LRRC4C: variants seen among roughly 807,000 people sequenced by gnomAD.
LRRC4C encodes leucine rich repeat containing 4C.
Under a neutral mutation model 33.6 loss-of-function variants are expected in LRRC4C, and 5 were observed. The ratio of observed to expected loss-of-function variants is 0.15; its 90% CI spans 0.08 to 0.31. LRRC4C has a LOEUF of 0.31. Ranked by LOEUF, LRRC4C falls within the 10% of genes least tolerant of loss-of-function variation. The pLI, the probability that LRRC4C is intolerant of heterozygous loss-of-function variation, is 1.00. For synonymous variants in LRRC4C, 329 were observed against 302.0 expected (o/e 1.09, Z -0.93); for missense variants, 560 against 796.7 (o/e 0.70, Z 3.58).
chr11:41,327,736 G>A (rs1178035497), intron 1 of LRRC4C, among the ~76,000 whole-genome samples: 1 of 152,110 alleles, frequency 6.6e-6, no homozygotes, highest in Non-Finnish European at 1.5e-5. Flanking sequence ...GGTTTGTCTC[G>A]TGCTGTTCTC....
At chr11:40,836,474 G>T (rs914475015) in intron 2 of LRRC4C, among the ~76,000 whole-genome samples, 3 of 152,136 alleles carry the variant, frequency 2.0e-5, no homozygotes, top group Non-Finnish European at 4.4e-5. Context: ...TTGATCTTAT[G>T]CACTCTTTAG....
chr11:41,398,656 T>G (rs1030542483), intron 1 of LRRC4C, among the ~76,000 whole-genome samples: 2 of 151,928 alleles, frequency 1.3e-5, no homozygotes, highest in South Asian at 2.1e-4. Context: ...GTTGCTATTA[T>G]TATGCCCACT....
intron 1 of LRRC4C, among the ~76,000 whole-genome samples, chr11:41,260,617 AC>A (rs1215318588): frequency 4.6e-5 from 7 of 151,964 alleles, no homozygotes; most frequent in African/African-American, 1.7e-4. Context: ...ATGTGTACAC[AC>A]ATATATATAT....
At chr11:40,435,735 T>G (rs1951114773) in intron 3 of LRRC4C, among the ~76,000 whole-genome samples, 1 of 152,142 alleles carries the variant, frequency 6.6e-6, no homozygotes, top group Non-Finnish European at 1.5e-5. Flanking sequence ...ATATCAGCAA[T>G]TATAATATTT....
chr11:40,209,194 G>T (rs1049791276), intron 5 of LRRC4C, among the ~76,000 whole-genome samples: 31 of 152,138 alleles, frequency 2.0e-4, no homozygotes, highest in African/African-American at 4.8e-5. Flanking sequence ...GGCTGTTCCA[G>T]GGTTTATGCT....
chr11:40,846,127 T>G (rs868272507), intron 2 of LRRC4C, among the ~76,000 whole-genome samples: 2 of 152,104 alleles, frequency 1.3e-5, no homozygotes, highest in Non-Finnish European at 2.9e-5. Context: ...ATTCTGTAGG[T>G]TGCCTGTTCA....
chr11:40,637,267 T>G (rs1026564741), intron 3 of LRRC4C, among the ~76,000 whole-genome samples: 4 of 152,152 alleles, frequency 2.6e-5, no homozygotes, highest in Admixed American at 6.5e-5. Context: ...CTCCTTTGTA[T>G]GTGAAATAAT....
intron 1 of LRRC4C, among the ~76,000 whole-genome samples, chr11:41,357,684 C>A (rs1952209547): frequency 6.6e-6 from 1 of 151,840 alleles, no homozygotes; most frequent in Non-Finnish European, 1.5e-5. Context: ...ATTTTAAATA[C>A]CTGAGAGTAT....
At chr11:41,203,630 T>C (rs1162053911) in intron 1 of LRRC4C, among the ~76,000 whole-genome samples, 1 of 152,206 alleles carries the variant, frequency 6.6e-6, no homozygotes, top group Non-Finnish European at 1.5e-5. Flanking sequence ...GATTGTCTGA[T>C]TACAATCTTA....
chr11:41,172,721 A>G (rs1170098002), intron 1 of LRRC4C, among the ~76,000 whole-genome samples: 2 of 152,172 alleles, frequency 1.3e-5, no homozygotes, highest in Non-Finnish European at 2.9e-5. Flanking sequence ...AGTTTTTACC[A>G]ATTTATTCCT....
chr11:40,857,762 A>G (rs1953861700), intron 2 of LRRC4C, among the ~76,000 whole-genome samples: 1 of 152,032 alleles, frequency 6.6e-6, no homozygotes, highest in Non-Finnish European at 1.5e-5. Flanking sequence ...AAGAAATACA[A>G]AAATTAGCCA....
At chr11:40,385,656 C>T (rs1401971418) in intron 3 of LRRC4C, among the ~76,000 whole-genome samples, 1 of 151,814 alleles carries the variant, frequency 6.6e-6, no homozygotes, top group African/African-American at 2.4e-5. Flanking sequence ...ATGAGGAGGC[C>T]AAGAGATCGA....
chr11:41,227,400 ATGT>A (rs1303902584), intron 1 of LRRC4C, among the ~76,000 whole-genome samples: 2 of 152,206 alleles, frequency 1.3e-5, no homozygotes, highest in Non-Finnish European at 2.9e-5. Context: ...ATTTTTTAAC[ATGT>A]TATTATGAGA....
intron 1 of LRRC4C, among the ~76,000 whole-genome samples, chr11:41,220,928 T>C (rs965010972): frequency 1.1e-4 from 17 of 152,198 alleles, no homozygotes; most frequent in African/African-American, 3.9e-4. Context: ...GTTAAAGATG[T>C]TACTACTATT....
chr11:40,146,132 C>T (rs1857714662), intron 5 of LRRC4C, among the ~76,000 whole-genome samples: 1 of 152,064 alleles, frequency 6.6e-6, no homozygotes, highest in Admixed American at 6.6e-5. Context: ...GCTGTGCTCT[C>T]CTTAAATGTG....
intron 2 of LRRC4C, among the ~76,000 whole-genome samples, chr11:40,683,964 A>T (rs1328923819): frequency 6.6e-6 from 1 of 152,190 alleles, no homozygotes; most frequent in Admixed American, 6.5e-5. Flanking sequence ...ATCTATGCCA[A>T]CTCTAATGAT....
chr11:41,201,429 C>A (rs1357765382), intron 1 of LRRC4C, among the ~76,000 whole-genome samples: 2 of 152,128 alleles, frequency 1.3e-5, no homozygotes, highest in Non-Finnish European at 2.9e-5. Context: ...TTTTCAAAAC[C>A]CTTGGTCCTG....
At chr11:41,374,983 C>T (rs1169220073) in intron 1 of LRRC4C, among the ~76,000 whole-genome samples, 4 of 151,726 alleles carry the variant, frequency 2.6e-5, no homozygotes, top group Non-Finnish European at 5.9e-5. Flanking sequence ...AAAAATTAGC[C>T]GGGCGTGATG....
At chr11:40,410,928 T>C (rs574577965) in intron 3 of LRRC4C, among the ~76,000 whole-genome samples, 1 of 152,212 alleles carries the variant, frequency 6.6e-6, no homozygotes, top group Non-Finnish European at 1.5e-5. Context: ...ATCACCTCTG[T>C]GTCTTTTTTT....
Sources: allele counts gnomAD v4.1 joint callset (sites outside exome capture counted in the v4.1 genomes callset), GRCh38; gene constraint gnomAD v4.1.1; transcripts MANE v1.5; gene names NCBI Gene and HGNC (gene_info 2026-07-23, HGNC 2026-07-21).